RBL2: variants seen among roughly 807,000 people sequenced by gnomAD.
RBL2 encodes the protein retinoblastoma-like protein 2.
RBL2 carries 56 observed loss-of-function variants against 126.0 expected under a neutral mutation model. The ratio of observed to expected loss-of-function variants is 0.44; its 90% CI spans 0.36 to 0.56. The LOEUF (loss-of-function observed/expected upper bound fraction) is 0.56. Ranked by LOEUF, RBL2 falls within the 20% of genes least tolerant of loss-of-function variation. RBL2 has a pLI of 0.00. For synonymous variants in RBL2, 454 were observed against 478.5 expected, an observed-to-expected ratio of 0.95 and a Z score of 0.67; for missense variants, 1,229 against 1,398.2, an observed-to-expected ratio of 0.88 and a Z score of 1.93.
chr16:53,477,501 T>C (rs1039549241), intron 17 of RBL2, among the ~76,000 whole-genome samples: 4 of 152,044 alleles, frequency 2.6e-5, no homozygotes, highest in Non-Finnish European at 5.9e-5. Flanking sequence ...TGTGCCACCA[T>C]GCCCGGCTGA....
At chr16:53,489,828 TA>T in intron 21 of RBL2, 10 of 223,190 alleles carry the variant, frequency 4.5e-5, no homozygotes, top group East Asian at 8.8e-5. Flanking sequence ...TCCCTAATTG[TA>T]AAAAAAATCA....
At position 53,486,748 on chromosome 16, in the gene RBL2, A is replaced by G. The variant is rs115005587; in HGVS notation, c.3250-3382A>G. 6.5e-3 allele frequency among the ~76,000 whole-genome samples: 987 copies of G among 152,322 alleles called. 7 individuals are homozygous for G. Among genetic ancestry groups the G allele is most frequent in the African/African-American group, 0.022 (932 of 41,578 alleles). On this transcript the variant is annotated intron_variant, in intron 21 of 21. Coordinates refer to ENST00000262133, the MANE Select transcript of RBL2 (RefSeq NM_005611.4). ...TGTCCACTCTCACTACCCCTGTTCA[A>G]CATTGTAACTGGGAGTCCTAGCATG... is the stretch of plus-strand genomic sequence containing the variant.
Position 53,470,198 on chromosome 16 carries a change from G to T in RBL2, c.2245+13G>T, listed in dbSNP as rs1057228385. 1 of 1,593,612 alleles carries T rather than the reference G, an allele frequency of 6.3e-7. No individual in the cohort carries two copies. The highest frequency in any genetic ancestry group is 1.3e-5 in the African/African-American group (1 of 74,542). Reference sequence around the variant, plus strand: ...ATTCCTGTGCAAGGTAAGGAAGGCAGAGTTGGATATTGAGTTCCTTCTCTG... The same window carrying T: ...ATTCCTGTGCAAGGTAAGGAAGGCATAGTTGGATATTGAGTTCCTTCTCTG... On this transcript the variant is annotated intron_variant, in intron 15 of 21. Transcript: ENST00000262133.
rs1319691959 is a variant in RBL2 at position 53,470,774 on chromosome 16, G to A, written c.2555G>A (p.Arg852Gln). The change falls in exon 17 of 22, where the codon CGG becomes CAG. Residue 852 changes from arginine (R) to glutamine (Q), a missense_variant. Around this residue, in one of 2 missense-constraint regions of RBL2, gnomAD observed 1,070 missense variants for 1,274.3 expected, o/e 0.84. Coordinates refer to ENST00000262133, the MANE Select transcript of RBL2 (RefSeq NM_005611.4). ...KVYHLAAVRL[R>Q]DLCAKLDISD... Reference sequence around the variant, plus strand: ...TACCATTTAGCAGCTGTCCGCCTTCGGGATCTCTGTGCCAAACTAGATATT... The same window carrying A: ...TACCATTTAGCAGCTGTCCGCCTTCAGGATCTCTGTGCCAAACTAGATATT... 3.1e-6 allele frequency: 5 copies of A among 1,613,928 alleles called. No homozygotes were observed. Among genetic ancestry groups the A allele is most frequent in the Non-Finnish European group, 4.2e-6 (5 of 1,180,018 alleles).
Position 53,486,029 on chromosome 16 carries a change from G to C in RBL2, c.3250-4101G>C, listed in dbSNP as rs189598427. On this transcript the variant is annotated intron_variant, in intron 21 of 21. Transcript: ENST00000262133. Reference sequence around the variant, plus strand: ...ATGCCAGCCAGATGTCGTGGCTCATGCCTGTAATCCCAGCACTTTGGGAGA... The same window carrying C: ...ATGCCAGCCAGATGTCGTGGCTCATCCCTGTAATCCCAGCACTTTGGGAGA... 3.2e-4 allele frequency among the ~76,000 whole-genome samples: 48 copies of C among 151,470 alleles called. No individual in the cohort carries two copies. The East Asian group carries it at 7.2e-3, about 23-fold the overall frequency.
chr16:53,457,578 A>T (rs1242519044), intron 8 of RBL2, among the ~76,000 whole-genome samples: 1 of 152,040 alleles, frequency 6.6e-6, no homozygotes, highest in Non-Finnish European at 1.5e-5. Context: ...TTTTAAAGCT[A>T]TAAAATGAGG....
chr16:53,482,184 G>T (rs889098262), intron 21 of RBL2, among the ~76,000 whole-genome samples: 2 of 152,226 alleles, frequency 1.3e-5, no homozygotes, highest in Admixed American at 1.3e-4. Context: ...CCAAAGGCCT[G>T]TTTCTGGGAC....
chr16:53,482,060 TTTC>T, intron 21 of RBL2, among the ~76,000 whole-genome samples: 1 of 152,264 alleles, frequency 6.6e-6, no homozygotes, highest in South Asian at 2.1e-4. Context: ...GGGATTTGGA[TTTC>T]TTTTTATTCC....
At chr16:53,483,960 G>A (rs983920213) in intron 21 of RBL2, among the ~76,000 whole-genome samples, 1 of 119,756 alleles carries the variant, frequency 8.4e-6, no homozygotes, top group Non-Finnish European at 1.7e-5. Context: ...AAGGTGTCAC[G>A]TGCTTTGGAA....
chr16:53,456,880 C>T (rs902309401), intron 8 of RBL2, among the ~76,000 whole-genome samples: 1 of 152,168 alleles, frequency 6.6e-6, no homozygotes, highest in Admixed American at 6.5e-5. Context: ...ACTCTGCTTG[C>T]TAGTGTTTCT....
At chr16:53,461,618 G>C (rs1315186076) in intron 9 of RBL2, 123 bp from the exon 10 acceptor site, 1 of 549,106 alleles carries the variant, frequency 1.8e-6, no homozygotes, top group East Asian at 3.4e-5. Context: ...ATTAATTTGG[G>C]AAGTGTATAG....
chr16:53,479,006 G>T, intron 17 of RBL2, 148 bp from the exon 18 acceptor site: 1 of 632,486 alleles, frequency 1.6e-6, no homozygotes. Flanking sequence ...ATCTTCATTT[G>T]CTATATGCCG....
rs769853805 is a variant in RBL2 at position 53,481,729 on chromosome 16, T to C, written c.3143T>C (p.Ile1048Thr). The change falls in exon 21 of 22, where the codon ATA (isoleucine) becomes ACA (threonine). Residue 1048 changes from isoleucine to threonine, a missense_variant. By Grantham distance (89) the Ile-to-Thr change is moderately conservative. Transcript: ENST00000262133. ...GTAAGAACAGGCTCCCCTCGCCGAA[T>C]ACAGTTGTCTCAAAATCATCCTGTC... ...PFVRTGSPRRIQLSQNHPVYI... is the reference protein window; with the variant it reads ...PFVRTGSPRRTQLSQNHPVYI... 1 of 1,608,470 alleles carries C rather than the reference T, an allele frequency of 6.2e-7. No individual in the cohort carries two copies. The highest frequency in any genetic ancestry group is 1.7e-5 in the Admixed American group (1 of 60,002).
chr16:53,443,107 TTTATTA>T (rs149405199), intron 3 of RBL2: 14,840 of 207,352 alleles, frequency 0.072, 678 homozygotes, highest in South Asian at 0.17. Flanking sequence ...CTTATTTTAT[TTTATTA>T]TTATTTTTTC....
At chr16:53,475,143 A>G (rs1340453267) in intron 17 of RBL2, among the ~76,000 whole-genome samples, 3 of 152,204 alleles carry the variant, frequency 2.0e-5, no homozygotes, top group Non-Finnish European at 4.4e-5. Flanking sequence ...GCAAATAATT[A>G]TAATATTTCC....
At chr16:53,434,913 G>A in intron 1 of RBL2, 117 bp downstream of exon 1, 8 of 1,367,488 alleles carry the variant, frequency 5.9e-6, no homozygotes, top group African/African-American at 1.5e-5. Flanking sequence ...AGCCCCGAGA[G>A]GGGTGGGGAC....
chr16:53,470,514 C>T lies in RBL2; in HGVS notation c.2377C>T (p.Gln793Ter). ...CCTGGCTGGAAGTCTGAGCTCTCAACAGGTGACAGGAACAACTTTGCAAGT... is the reference window on the plus strand; with the variant it reads ...CCTGGCTGGAAGTCTGAGCTCTCAATAGGTGACAGGAACAACTTTGCAAGT... ...QALAGSLSSQ[Q>*]VTGTTLQVPG... Residue 793 changes from glutamine to a stop codon, truncating the protein, a stop_gained, in exon 16 of 22, where the codon CAG (glutamine) becomes TAG (stop). Coordinates refer to ENST00000262133, the MANE Select transcript of RBL2 (RefSeq NM_005611.4). LOFTEE classifies it high-confidence loss of function. The T allele has an allele frequency of 6.2e-7, 1 of 1,614,156 alleles. No homozygotes were observed. Among genetic ancestry groups the T allele is most frequent in the South Asian group, 1.1e-5 (1 of 91,080 alleles).
In RBL2 at chr16:53,453,516, G is replaced by A; in HGVS notation, c.831G>A (p.Glu277=). 1.2e-6 allele frequency: 2 copies of A among 1,613,046 alleles called. No homozygotes were observed. The highest frequency in any genetic ancestry group is 1.7e-6 in the Non-Finnish European group (2 of 1,179,212). ...KPSSDPPCII[E]KLCSLHDGLV... Reference sequence around the variant, plus strand: ...CCTCTGACCCCCCTTGTATCATTGAGAAACTGTGTTCCTTACATGATGGCC... The same window carrying A: ...CCTCTGACCCCCCTTGTATCATTGAAAAACTGTGTTCCTTACATGATGGCC... Residue 277 remains glutamate, a synonymous_variant, in exon 6 of 22, where the codon GAG becomes GAA. Transcript: ENST00000262133.
chr16:53,467,008 T>C, intron 13 of RBL2, 50 bp from the exon 14 acceptor site: 1 of 1,338,726 alleles, frequency 7.5e-7, no homozygotes, highest in Non-Finnish European at 1.1e-6. Flanking sequence ...GTATTTGTAA[T>C]TAAAGTGCTT....
Sources: allele counts gnomAD v4.1 joint callset (sites outside exome capture counted in the v4.1 genomes callset), GRCh38; gene constraint gnomAD v4.1.1; regional missense constraint gnomAD v4.1.1; transcripts MANE v1.5; gene names NCBI Gene and HGNC (gene_info 2026-07-23, HGNC 2026-07-21).